PITPNA: variants seen among roughly 807,000 people sequenced by gnomAD.
PITPNA encodes phosphatidylinositol transfer protein alpha isoform.
A neutral mutation model predicts 50.3 loss-of-function variants in PITPNA; 13 were observed. That is an observed-to-expected ratio of 0.26 (90% CI 0.17 to 0.41). The LOEUF is 0.41. PITPNA is among the 10% of genes least tolerant of loss of function. The pLI is 1.00. For missense variants in PITPNA, 207 were observed against 333.4 expected, an observed-to-expected ratio of 0.62 and a Z score of 2.95; for synonymous variants, 120 against 119.6, an observed-to-expected ratio of 1.00 and a Z score of -0.02.
rs901734307 is a variant in PITPNA at position 1,541,591 on chromosome 17, T to A, written c.347A>T (p.Lys116Ile). The change falls in exon 6 of 12, where the codon AAA becomes ATA. Residue 116 changes from lysine to isoleucine, a missense_variant. Coordinates refer to ENST00000313486, the MANE Select transcript of PITPNA (RefSeq NM_006224.4). ...DFLIKIETWH[K>I]PDLGTQENVH... ...ATTCTCCTGCGTGCCAAGATCTGGT[T>A]TGTGCCAGGTTTCAATTTTAATCAG... 1.9e-6 allele frequency: 3 copies of A among 1,613,492 alleles called. No homozygotes were observed. Among genetic ancestry groups the A allele is most frequent in the Non-Finnish European group, 2.5e-6 (3 of 1,179,554 alleles).
chr17:1,543,207 A>T (rs1477311523), intron 4 of PITPNA, among the ~76,000 whole-genome samples, 180 bp from the exon 5 acceptor site: 1 of 152,122 alleles, frequency 6.6e-6, no homozygotes, highest in Admixed American at 6.5e-5. Flanking sequence ...ACCAACCCTC[A>T]AATTTCACTC....
chr17:1,552,651 A>G (rs1044814959), intron 3 of PITPNA, among the ~76,000 whole-genome samples: 2 of 152,212 alleles, frequency 1.3e-5, no homozygotes, highest in Non-Finnish European at 1.5e-5. Context: ...AAGGAGTTTT[A>G]CTGGATTATG....
chr17:1,524,879 C>T (rs2075538050), intron 10 of PITPNA, among the ~76,000 whole-genome samples: 1 of 151,942 alleles, frequency 6.6e-6, no homozygotes, highest in African/African-American at 2.4e-5. Flanking sequence ...TTTTCGTGTA[C>T]TTAGCAGAGC....
intron 4 of PITPNA, among the ~76,000 whole-genome samples, chr17:1,544,338 A>G (rs1183020704): frequency 6.6e-6 from 1 of 152,210 alleles, no homozygotes; most frequent in Non-Finnish European, 1.5e-5. Context: ...GTGTAACTTC[A>G]TAGACTGGCG....
intron 7 of PITPNA, among the ~76,000 whole-genome samples, chr17:1,536,696 C>T (rs1002002911): frequency 1.3e-5 from 2 of 151,722 alleles, no homozygotes; most frequent in African/African-American, 2.4e-5. Flanking sequence ...TGGGTTCAAG[C>T]GATTCTCCTG....
At chr17:1,528,577 T>C (rs532242770) in intron 10 of PITPNA, among the ~76,000 whole-genome samples, 2 of 151,986 alleles carry the variant, frequency 1.3e-5, no homozygotes, top group South Asian at 4.2e-4. Flanking sequence ...TGAGATCTTG[T>C]CTCTAAAAAA....
At chr17:1,536,280 G>A (rs985380077) in intron 7 of PITPNA, among the ~76,000 whole-genome samples, 1 of 143,598 alleles carries the variant, frequency 7.0e-6, no homozygotes, top group Non-Finnish European at 1.5e-5. Context: ...AAGCTGAGAA[G>A]TTTTTTTTTT....
Position 1,535,148 on chromosome 17 carries a change from C to T in PITPNA, c.645+34G>A, listed in dbSNP as rs781573566. On this transcript the variant is annotated intron_variant, in intron 9 of 11. Transcript: ENST00000313486. ...ACCACCCCCCCACAACACACACACG[C>T]AGTCACTGGGAAGGCCTCAGCCGAG... 4 of 1,297,058 alleles carry T rather than the reference C, an allele frequency of 3.1e-6. No homozygotes were observed. In the African/African-American group the frequency reaches 4.4e-5, roughly 14 times the overall value. The allele number at this position is 1,297,058 out of a possible 1,614,324, so 80.3% of individuals were successfully genotyped here.
chr17:1,560,385 G>A lies in PITPNA; in HGVS notation c.21-1826C>T, dbSNP rs1003884872. ...ACGCTGCGGCCACAGCCAGTGTCTC[G>A]GATGCCCTGATGCCCCTGCTCCTCC... On this transcript the variant is annotated intron_variant, in intron 1 of 11. Coordinates refer to ENST00000313486, the MANE Select transcript of PITPNA (RefSeq NM_006224.4). Among the ~76,000 whole-genome samples, 7 of 151,788 alleles carry A rather than the reference G, an allele frequency of 4.6e-5. No individual in the cohort carries two copies. The East Asian group carries it at 5.8e-4, about 13-fold the overall frequency.
At position 1,562,302 on chromosome 17, in the gene PITPNA, T is replaced by TGCCCCTCCACGCCCCGGCC. The variant is rs1188187704; in HGVS notation, c.20+220_20+238dup. Reference sequence around the variant, plus strand: ...CGGCTCAGATGCCGAACGCCCCGGCTGCCCCTCCACGCCCCGGCCGCCCCT... The same window carrying TGCCCCTCCACGCCCCGGCC: ...CGGCTCAGATGCCGAACGCCCCGGCTGCCCCTCCACGCCCCGGCCGCCCCTCCACGCCCCGGCCGCCCCT... On this transcript the variant is annotated intron_variant, in intron 1 of 11. Coordinates refer to ENST00000313486, the MANE Select transcript of PITPNA (RefSeq NM_006224.4). The surrounding 1 kb of genome is among the most constrained non-coding windows in gnomAD (Gnocchi z 6.4). Among the ~76,000 whole-genome samples, 24 of 148,020 alleles carry TGCCCCTCCACGCCCCGGCC rather than the reference T, an allele frequency of 1.6e-4. No individual in the cohort carries two copies. The highest frequency in any genetic ancestry group is 4.3e-4 in the South Asian group (2 of 4,670).
Position 1,562,498 on chromosome 17 carries a change from A to T in PITPNA, c.20+43T>A. 1 of 1,009,040 alleles carries T rather than the reference A, an allele frequency of 9.9e-7. No homozygotes were observed. Among genetic ancestry groups the T allele is most frequent in the Non-Finnish European group, 1.3e-6 (1 of 743,146 alleles). 62.5% of individuals were successfully genotyped at this position (1,009,040 alleles called of 1,614,324 possible). On this transcript the variant is annotated intron_variant, in intron 1 of 11. Coordinates refer to ENST00000313486, the MANE Select transcript of PITPNA (RefSeq NM_006224.4). The surrounding 1 kb of genome is among the most constrained non-coding windows in gnomAD (Gnocchi z 6.4). ...CGCCGTCGCCCCGGCGGCCGTCCCC[A>T]CCCTCCCTCCTCCCCGCTTCCGCAC...
intron 7 of PITPNA, among the ~76,000 whole-genome samples, chr17:1,537,876 C>A (rs1567580637): frequency 6.6e-6 from 1 of 152,174 alleles, no homozygotes; most frequent in Non-Finnish European, 1.5e-5. Flanking sequence ...TCTCTGCTCA[C>A]TGCAACCTCT....
intron 10 of PITPNA, among the ~76,000 whole-genome samples, chr17:1,524,290 C>T (rs551633284): frequency 1.3e-5 from 2 of 150,530 alleles, no homozygotes; most frequent in South Asian, 2.1e-4. Context: ...ATGATCCGCC[C>T]GCCTTGGCCT....
intron 10 of PITPNA, among the ~76,000 whole-genome samples, chr17:1,531,942 G>C (rs913669298): frequency 6.6e-6 from 1 of 152,162 alleles, no homozygotes; most frequent in African/African-American, 2.4e-5. Flanking sequence ...ACCACAATGA[G>C]GTGGACTTGC....
chr17:1,542,776 A>C (rs887787662), intron 5 of PITPNA, among the ~76,000 whole-genome samples: 1 of 152,210 alleles, frequency 6.6e-6, no homozygotes, highest in African/African-American at 2.4e-5. Context: ...GCCTCGAGCC[A>C]CTGTGTCCAT....
chr17:1,548,396 G>T lies in PITPNA; in HGVS notation c.198-9C>A, dbSNP rs750487962. The stretch of plus-strand genomic sequence containing the variant: ...CAAACGTGGGTACTTTGCTATAGCG[G>T]GGAAAAAAAGGGGTATAAAGAGAAA... On this transcript the variant is annotated splice_polypyrimidine_tract_variant and intron_variant, in intron 3 of 11. Coordinates refer to ENST00000313486, the MANE Select transcript of PITPNA (RefSeq NM_006224.4). 1 of 1,561,366 alleles carries T rather than the reference G, an allele frequency of 6.4e-7. No individual in the cohort carries two copies. The highest frequency in any genetic ancestry group is 8.7e-7 in the Non-Finnish European group (1 of 1,147,318).
At chr17:1,541,175 A>G (rs2075646179) in intron 6 of PITPNA, among the ~76,000 whole-genome samples, 1 of 152,220 alleles carries the variant, frequency 6.6e-6, no homozygotes, top group Non-Finnish European at 1.5e-5. Flanking sequence ...GTCTCCTTGT[A>G]TATATGTTAT....
intron 7 of PITPNA, among the ~76,000 whole-genome samples, chr17:1,536,894 ATT>A (rs35841957): frequency 1.5e-3 from 147 of 98,300 alleles, no homozygotes; most frequent in Middle Eastern, 0.014. Flanking sequence ...TGTCCGGCCG[ATT>A]TTTTTTTTTT....
chr17:1,531,983 T>C (rs1482211526), intron 10 of PITPNA, among the ~76,000 whole-genome samples: 1 of 152,218 alleles, frequency 6.6e-6, no homozygotes, highest in Non-Finnish European at 1.5e-5. Context: ...AGTTTTAAAA[T>C]TCTAATTCCA....
Sources: gnomAD v4.1 joint callset for allele counts (sites outside exome capture counted in the v4.1 genomes callset) on GRCh38, gnomAD v4.1.1 for gene constraint, Gnocchi (gnomAD v3.1) non-coding constraint, MANE v1.5 for transcripts, NCBI Gene and HGNC (gene_info 2026-07-23, HGNC 2026-07-21) for gene names.